The following AVEN variants were observed in gnomAD, a reference collection of about 807,000 sequenced individuals.
AVEN encodes cell death regulator Aven.
In AVEN, 41 loss-of-function variants were observed where a neutral mutation model predicts 38.1. The ratio of observed to expected loss-of-function variants is 1.08; its 90% confidence interval spans 0.84 to 1.40. AVEN has a LOEUF of 1.40. AVEN is among the 40% of genes most tolerant of loss of function. AVEN has a pLI of 0.00. For missense variants in AVEN, 605 were observed against 438.8 expected, an observed-to-expected ratio of 1.38 and a Z score of -3.38; for synonymous variants, 206 against 171.8, an observed-to-expected ratio of 1.20 and a Z score of -1.56.
chr15:33,855,296 C>A (rs2079535954), downstream of AVEN, among the ~76,000 whole-genome samples: 1 of 152,088 alleles, frequency 6.6e-6, no homozygotes, highest in African/African-American at 2.4e-5. Context: ...CTCCCAGGTC[C>A]CAGTTCAAGC....
chr15:33,920,894 G>T (rs1009874030), intron 2 of AVEN, among the ~76,000 whole-genome samples: 3 of 151,954 alleles, frequency 2.0e-5, no homozygotes, highest in African/African-American at 7.3e-5. Context: ...TCCTGCCTCA[G>T]CCCCCCAAGC....
intron 5 of AVEN, among the ~76,000 whole-genome samples, chr15:34,059,731 T>C (rs1444578805): frequency 6.6e-6 from 1 of 152,120 alleles, no homozygotes; most frequent in Non-Finnish European, 1.5e-5. Context: ...TGCCTAGCTA[T>C]TGGTGACTTC....
At chr15:33,898,848 G>A (rs1892357316) in intron 2 of AVEN, among the ~76,000 whole-genome samples, 1 of 152,158 alleles carries the variant, frequency 6.6e-6, no homozygotes. Flanking sequence ...GAAGTCCCAG[G>A]GGGATTAACA....
chr15:34,021,953 T>C (rs1378283382), intron 1 of AVEN, among the ~76,000 whole-genome samples: 1 of 152,244 alleles, frequency 6.6e-6, no homozygotes, highest in African/African-American at 2.4e-5. Context: ...GCAAGCAGCA[T>C]TCTTAAAGTC....
At chr15:33,883,115 C>T (rs1447850707) in intron 2 of AVEN, among the ~76,000 whole-genome samples, 1 of 152,152 alleles carries the variant, frequency 6.6e-6, no homozygotes, top group Non-Finnish European at 1.5e-5. Context: ...AGAAGACAAG[C>T]GTAGTTGCTG....
intron 4 of AVEN, among the ~76,000 whole-genome samples, chr15:33,868,325 C>T (rs1299489405): frequency 6.6e-6 from 1 of 151,930 alleles, no homozygotes; most frequent in African/African-American, 2.4e-5. Flanking sequence ...AGATTGAGAC[C>T]ATCCTGGCTA....
At chr15:34,041,599 G>A (rs550317326), upstream of AVEN, among the ~76,000 whole-genome samples, 1 of 152,320 alleles carries the variant, frequency 6.6e-6, no homozygotes, top group African/African-American at 2.4e-5. Context: ...ACTAGTCAGT[G>A]TAAGACTCAG....
chr15:34,004,972 A>T (rs902031045), intron 1 of AVEN, among the ~76,000 whole-genome samples: 3 of 146,388 alleles, frequency 2.0e-5, no homozygotes, highest in African/African-American at 7.4e-5. Context: ...GTGTGGACTT[A>T]AAAAAAATAA....
intron 5 of AVEN, among the ~76,000 whole-genome samples, chr15:34,050,755 G>A (rs1049682477): frequency 1.3e-5 from 2 of 152,078 alleles, no homozygotes; most frequent in East Asian, 1.9e-4. Context: ...AGAGAAAGAA[G>A]GGCATTACAT....
chr15:33,941,938 A>C (rs1175953415), intron 2 of AVEN, among the ~76,000 whole-genome samples: 1 of 152,242 alleles, frequency 6.6e-6, no homozygotes, highest in Non-Finnish European at 1.5e-5. Context: ...GTCAACAACA[A>C]AGAAAATAAA....
chr15:33,857,936 G>T (rs772377160), downstream of AVEN: 28 of 1,379,264 alleles, frequency 2.0e-5, no homozygotes, highest in Non-Finnish European at 2.6e-5. Flanking sequence ...CCCACTGCGG[G>T]GCCAGCCCAC....
At chr15:34,042,431 G>A (rs545757992), upstream of AVEN, among the ~76,000 whole-genome samples, 2 of 131,766 alleles carry the variant, frequency 1.5e-5, no homozygotes, top group South Asian at 2.3e-4. Flanking sequence ...ACGGAGTTTC[G>A]CACTTGTTGC....
intron 2 of AVEN, among the ~76,000 whole-genome samples, chr15:33,880,228 A>G (rs1033860277): frequency 6.6e-6 from 1 of 152,170 alleles, no homozygotes; most frequent in Non-Finnish European, 1.5e-5. Context: ...TGAAGACATG[A>G]GAGTTCCCAA....
chr15:34,040,237 G>C (rs1463892174), upstream of AVEN, among the ~76,000 whole-genome samples: 1 of 152,148 alleles, frequency 6.6e-6, no homozygotes, highest in Non-Finnish European at 1.5e-5. Context: ...CTAGTCGTGT[G>C]AATAGATGAT....
chr15:33,889,584 A>G (rs532454925), intron 2 of AVEN, among the ~76,000 whole-genome samples: 20 of 42,966 alleles, frequency 4.7e-4, no homozygotes, highest in Non-Finnish European at 7.1e-4. Context: ...GACATGAAAT[A>G]TGTTTCTGCA....
chr15:33,917,563 TAC>T (rs34155332), intron 2 of AVEN, among the ~76,000 whole-genome samples: 83,947 of 149,274 alleles, frequency 0.56, 24,661 homozygotes, highest in Middle Eastern at 0.7. Flanking sequence ...TGTGTATGTA[TAC>T]ACACACACAC....
chr15:34,038,900 T>TCCGCCTCCGTCCCCGCCG lies in AVEN; in HGVS notation c.129_146dup (p.Gly44_Gly49dup), dbSNP rs1345192849. 19 of 1,121,412 alleles carry TCCGCCTCCGTCCCCGCCG rather than the reference T, an allele frequency of 1.7e-5. No individual in the cohort carries two copies. In the East Asian group the frequency reaches 7.9e-4, roughly 47 times the overall value. The allele number at this position is 1,121,412 out of a possible 1,614,324, so 69.5% of individuals were successfully genotyped here. ...CCCGGCCACGGCCACGGCCCCGGCG[T>TCCGCCTCCGTCCCCGCCG]CCGCCTCCGTCCCCGCCGCCGCCTC... On this transcript the variant is annotated inframe_insertion, in exon 1 of 6. Transcript: ENST00000306730.
chr15:33,886,539 G>A (rs561046497), intron 2 of AVEN, among the ~76,000 whole-genome samples: 6 of 152,060 alleles, frequency 3.9e-5, no homozygotes, highest in Non-Finnish European at 7.4e-5. Flanking sequence ...TCCTAACCTC[G>A]TGATCCGCCC....
At chr15:33,868,538 C>G (rs1890796890) in intron 4 of AVEN, among the ~76,000 whole-genome samples, 1 of 122,718 alleles carries the variant, frequency 8.1e-6, no homozygotes, top group Non-Finnish European at 1.6e-5. Context: ...GAATGAGACT[C>G]CGTCTCAAAA....
Sources: gnomAD v4.1 joint callset for allele counts (sites outside exome capture counted in the v4.1 genomes callset) on GRCh38, gnomAD v4.1.1 for gene constraint, MANE v1.5 for transcripts, NCBI Gene and HGNC (gene_info 2026-07-23, HGNC 2026-07-21) for gene names.